Variants in ANO3 observed in about 807,000 individuals in gnomAD.
ANO3 encodes anoctamin 3, also known as anoctamin-3.
Under a neutral mutation model 144.8 loss-of-function variants are expected in ANO3, and 99 were observed. That is an observed-to-expected ratio of 0.68 (90% CI 0.58 to 0.81). ANO3 has a LOEUF of 0.81. Among genes scored for constraint, ANO3 ranks in the 30% least tolerant of loss-of-function variants. The pLI is 0.00. For synonymous variants in ANO3, 414 were observed against 392.6 expected (o/e 1.05, Z -0.64); for missense variants, 905 against 1,202.2 (o/e 0.75, Z 3.66).
At chr11:26,635,899 G>T (rs1236539505) in intron 20 of ANO3, among the ~76,000 whole-genome samples, 1 of 152,180 alleles carries the variant, frequency 6.6e-6, no homozygotes, top group African/African-American at 2.4e-5. Flanking sequence ...GTAAATTGGT[G>T]ATAAGAATAG....
intron 8 of ANO3, 115 bp downstream of exon 8, chr11:26,531,451 T>C (rs1215731267): frequency 4.1e-6 from 5 of 1,223,014 alleles, no homozygotes; most frequent in African/African-American, 1.5e-5. Flanking sequence ...AGAGAACTTA[T>C]CATTGTATTA....
At chr11:26,194,280 G>C (rs1225739296) in intron 1 of ANO3, among the ~76,000 whole-genome samples, 1 of 152,170 alleles carries the variant, frequency 6.6e-6, no homozygotes, top group Non-Finnish European at 1.5e-5. Flanking sequence ...ATATCTGACA[G>C]TGTGTATAAA....
intron 14 of ANO3, among the ~76,000 whole-genome samples, chr11:26,584,437 G>A (rs939869885): frequency 3.3e-5 from 5 of 152,120 alleles, no homozygotes; most frequent in Non-Finnish European, 5.9e-5. Flanking sequence ...GGGATTATAG[G>A]CCTTCCTGTA....
At chr11:26,551,154 G>A (rs542698046) in intron 12 of ANO3, among the ~76,000 whole-genome samples, 2 of 151,882 alleles carry the variant, frequency 1.3e-5, no homozygotes, top group Non-Finnish European at 2.9e-5. Context: ...TGGATTATAA[G>A]GAAGCATGAG....
At chr11:26,558,011 A>G (rs1392165517) in intron 13 of ANO3, among the ~76,000 whole-genome samples, 1 of 152,164 alleles carries the variant, frequency 6.6e-6, no homozygotes, top group African/African-American at 2.4e-5. Flanking sequence ...ATCTCCCATT[A>G]GATGTATATA....
chr11:26,453,569 G>C (rs1286359459), intron 3 of ANO3, among the ~76,000 whole-genome samples: 2 of 152,038 alleles, frequency 1.3e-5, no homozygotes, highest in Non-Finnish European at 2.9e-5. Flanking sequence ...GGAGCACCCA[G>C]ATTCATAAAG....
intron 1 of ANO3, among the ~76,000 whole-genome samples, chr11:26,377,334 GT>G (rs1478065092): frequency 1.3e-5 from 2 of 152,024 alleles, no homozygotes; most frequent in African/African-American, 4.8e-5. Flanking sequence ...CAAGAAATCT[GT>G]TTGAAAATAT....
At chr11:26,443,739 C>T (rs2134026168) in intron 2 of ANO3, 26 bp from the exon 3 acceptor site, 1 of 1,218,914 alleles carries the variant, frequency 8.2e-7, no homozygotes. Context: ...TTTCCCAAAA[C>T]TACAAAGTAT....
At chr11:26,233,397 A>C (rs1852446212) in intron 1 of ANO3, among the ~76,000 whole-genome samples, 1 of 152,214 alleles carries the variant, frequency 6.6e-6, no homozygotes, top group African/African-American at 2.4e-5. Context: ...GTGAGATACC[A>C]TCTCATACCA....
At chr11:26,394,502 A>C (rs1284375479) in intron 1 of ANO3, among the ~76,000 whole-genome samples, 1 of 152,004 alleles carries the variant, frequency 6.6e-6, no homozygotes, top group African/African-American at 2.4e-5. Flanking sequence ...ACAGTATTAA[A>C]CAGTATTGAC....
intron 24 of ANO3, among the ~76,000 whole-genome samples, chr11:26,655,027 G>A (rs1196738014): frequency 2.0e-5 from 3 of 152,280 alleles, no homozygotes; most frequent in Middle Eastern, 3.4e-3. Context: ...GAGAGGCTGT[G>A]TGTTAGTGGC....
At chr11:26,340,663 T>A (rs1855332532) in intron 1 of ANO3, among the ~76,000 whole-genome samples, 1 of 152,186 alleles carries the variant, frequency 6.6e-6, no homozygotes, top group East Asian at 1.9e-4. Flanking sequence ...TGAATTTAAA[T>A]GAGTGAACTA....
At chr11:26,221,802 A>G (rs1852149782) in intron 1 of ANO3, among the ~76,000 whole-genome samples, 1 of 152,034 alleles carries the variant, frequency 6.6e-6, no homozygotes, top group Admixed American at 6.5e-5. Context: ...ATCAGATCTC[A>G]CATGAACTAA....
At chr11:26,301,762 T>A (rs1276432230) in intron 1 of ANO3, among the ~76,000 whole-genome samples, 1 of 152,198 alleles carries the variant, frequency 6.6e-6, no homozygotes. Context: ...TTTTATTTCT[T>A]CCATCCCTAT....
At chr11:26,323,133 G>T (rs1479772975) in intron 1 of ANO3, among the ~76,000 whole-genome samples, 1 of 151,514 alleles carries the variant, frequency 6.6e-6, no homozygotes, top group Non-Finnish European at 1.5e-5. Context: ...TACTTTCTGG[G>T]ACTTCAAGAT....
intron 1 of ANO3, among the ~76,000 whole-genome samples, chr11:26,191,234 C>T (rs1014530643): frequency 2.0e-5 from 3 of 151,564 alleles, no homozygotes; most frequent in Non-Finnish European, 1.5e-5. Flanking sequence ...GCTGAGATTG[C>T]GCCATTGCAC....
intron 1 of ANO3, among the ~76,000 whole-genome samples, chr11:26,396,636 T>C (rs1857020752): frequency 1.3e-5 from 2 of 152,030 alleles, no homozygotes. Flanking sequence ...GTTCATGTCC[T>C]TTGCAGGTAC....
intron 17 of ANO3, among the ~76,000 whole-genome samples, chr11:26,620,443 G>A (rs1315723115): frequency 2.0e-5 from 3 of 150,914 alleles, no homozygotes; most frequent in Admixed American, 6.6e-5. Context: ...AAATTAAAAT[G>A]TTATTAAAAT....
chr11:26,286,429 C>T (rs1321385032), intron 1 of ANO3, among the ~76,000 whole-genome samples: 1 of 152,172 alleles, frequency 6.6e-6, no homozygotes, highest in South Asian at 2.1e-4. Flanking sequence ...CCAGTTAAGT[C>T]AGAATTATTT....
Sources: allele counts gnomAD v4.1 joint callset (sites outside exome capture counted in the v4.1 genomes callset), GRCh38; gene constraint gnomAD v4.1.1; transcripts MANE v1.5; gene names NCBI Gene and HGNC (gene_info 2026-07-23, HGNC 2026-07-21).